The following DRC11 variants were observed in gnomAD, a reference collection of about 807,000 sequenced individuals.
The protein encoded by DRC11 is IQ and AAA domain-containing protein 1.
chr2:236,424,463 G>T, the DRC11 span, among the ~76,000 whole-genome samples: 1 of 152,036 alleles, frequency 6.6e-6, no homozygotes, highest in Non-Finnish European at 1.5e-5. Flanking sequence ...TACAGTGAAA[G>T]GTTTCCTCCC....
At chr2:236,331,632 T>C in the DRC11 span, 1 of 1,509,414 alleles carries the variant, frequency 6.6e-7, no homozygotes, top group Non-Finnish European at 9.1e-7. This position sits in a 1 kb window ranked among gnomAD's most constrained non-coding sequence, Gnocchi z 4.8. Context: ...AGAACAAGGG[T>C]TACCACAGAG....
the DRC11 span, among the ~76,000 whole-genome samples, chr2:236,459,785 T>C: frequency 1.7e-4 from 26 of 151,704 alleles, no homozygotes; most frequent in Non-Finnish European, 3.4e-4. Flanking sequence ...TCACAGATGA[T>C]TTTAATTTTC....
At chr2:236,497,033 G>T in the DRC11 span, 1 of 737,148 alleles carries the variant, frequency 1.4e-6, no homozygotes. This position sits in a 1 kb window ranked among gnomAD's most constrained non-coding sequence, Gnocchi z 5.1. Flanking sequence ...GAAGGCAAAT[G>T]TTTAGATTTT....
the DRC11 span, among the ~76,000 whole-genome samples, chr2:236,361,792 C>A: frequency 1.3e-5 from 2 of 152,152 alleles, no homozygotes; most frequent in African/African-American, 4.8e-5. This position sits in a 1 kb window ranked among gnomAD's most constrained non-coding sequence, Gnocchi z 5.7. Context: ...ATAAACGGAG[C>A]AAATGCTCTA....
At chr2:236,342,067 T>C in the DRC11 span, among the ~76,000 whole-genome samples, 3 of 152,148 alleles carry the variant, frequency 2.0e-5, no homozygotes, top group African/African-American at 7.2e-5. The surrounding 1 kb of genome is among the most constrained non-coding windows in gnomAD (Gnocchi z 5.8). Flanking sequence ...CCGGGTGAGC[T>C]TCCTGCCTCT....
At chr2:236,491,562 G>A in the DRC11 span, among the ~76,000 whole-genome samples, 2 of 152,028 alleles carry the variant, frequency 1.3e-5, no homozygotes, top group Non-Finnish European at 2.9e-5. Flanking sequence ...TGAGTGCAAC[G>A]TAATCTCCCT....
At chr2:236,428,776 T>C in the DRC11 span, among the ~76,000 whole-genome samples, 2 of 152,262 alleles carry the variant, frequency 1.3e-5, no homozygotes, top group Admixed American at 6.5e-5. Flanking sequence ...TGCCACTTTA[T>C]TACTTTCTGA....
chr2:236,383,641 TTTTTTTG>T, the DRC11 span, among the ~76,000 whole-genome samples: 1 of 152,038 alleles, frequency 6.6e-6, no homozygotes, highest in Admixed American at 6.6e-5. Context: ...TCATTTTTTT[TTTTTTTG>T]TTTTGTTTTT....
At chr2:236,386,939 GC>G in the DRC11 span, among the ~76,000 whole-genome samples, 1 of 145,940 alleles carries the variant, frequency 6.9e-6, no homozygotes, top group African/African-American at 2.5e-5. Context: ...TCATTCAGGA[GC>G]AGGTTGTTCA....
chr2:236,435,219 A>G, the DRC11 span, among the ~76,000 whole-genome samples: 1 of 152,250 alleles, frequency 6.6e-6, no homozygotes, highest in African/African-American at 2.4e-5. Flanking sequence ...AGAGAACTTC[A>G]TGTTACTTAA....
At chr2:236,399,847 C>T in the DRC11 span, among the ~76,000 whole-genome samples, 1 of 152,124 alleles carries the variant, frequency 6.6e-6, no homozygotes, top group Non-Finnish European at 1.5e-5. This position sits in a 1 kb window ranked among gnomAD's most constrained non-coding sequence, Gnocchi z 7.0. Context: ...TCCCCAGTAG[C>T]TGGGACTGCA....
chr2:236,483,465 T>C, the DRC11 span, among the ~76,000 whole-genome samples: 2 of 152,222 alleles, frequency 1.3e-5, no homozygotes, highest in Non-Finnish European at 2.9e-5. This position sits in a 1 kb window ranked among gnomAD's most constrained non-coding sequence, Gnocchi z 4.8. Flanking sequence ...TTTGAAATCA[T>C]ATCTGCTCTT....
the DRC11 span, among the ~76,000 whole-genome samples, chr2:236,448,914 C>T: frequency 1.3e-5 from 2 of 152,140 alleles, no homozygotes; most frequent in Non-Finnish European, 2.9e-5. This position sits in a 1 kb window ranked among gnomAD's most constrained non-coding sequence, Gnocchi z 5.3. Context: ...GGCTGGAGTG[C>T]AGTGGTGTGA....
the DRC11 span, among the ~76,000 whole-genome samples, chr2:236,308,077 G>A: frequency 2.6e-5 from 4 of 152,238 alleles, no homozygotes; most frequent in South Asian, 4.1e-4. This position sits in a 1 kb window ranked among gnomAD's most constrained non-coding sequence, Gnocchi z 6.0. Context: ...GTCCTCATGC[G>A]CTTGCAATGA....
the DRC11 span, among the ~76,000 whole-genome samples, chr2:236,353,731 G>A: frequency 1.3e-5 from 2 of 151,974 alleles, no homozygotes; most frequent in Admixed American, 6.6e-5. The surrounding 1 kb of genome is among the most constrained non-coding windows in gnomAD (Gnocchi z 5.0). Context: ...TGGGAGACAC[G>A]GTCCCTGCCT....
chr2:236,462,246 G>A, the DRC11 span, among the ~76,000 whole-genome samples: 6 of 152,128 alleles, frequency 3.9e-5, no homozygotes, highest in African/African-American at 1.4e-4. This position sits in a 1 kb window ranked among gnomAD's most constrained non-coding sequence, Gnocchi z 6.4. Context: ...AGCAGAGCCG[G>A]GCTCAGACCC....
the DRC11 span, among the ~76,000 whole-genome samples, chr2:236,371,821 C>A: frequency 0.021 from 3,154 of 152,284 alleles, 49 homozygotes; most frequent in Non-Finnish European, 0.033. The surrounding 1 kb of genome is among the most constrained non-coding windows in gnomAD (Gnocchi z 5.1). Context: ...TAGGATCCTG[C>A]TTCCTTTCCC....
At chr2:236,364,547 G>A in the DRC11 span, among the ~76,000 whole-genome samples, 12 of 152,170 alleles carry the variant, frequency 7.9e-5, no homozygotes, top group East Asian at 9.7e-4. Context: ...TTAACCTGAC[G>A]CTTGATAATG....
the DRC11 span, chr2:236,343,668 G>C: frequency 8.1e-7 from 1 of 1,241,626 alleles, no homozygotes; most frequent in Non-Finnish European, 1.1e-6. This position sits in a 1 kb window ranked among gnomAD's most constrained non-coding sequence, Gnocchi z 6.6. Flanking sequence ...ACCTGGTGGA[G>C]AACCCGGTCA....
Sources: allele counts gnomAD v4.1 joint callset (sites outside exome capture counted in the v4.1 genomes callset), GRCh38; gene constraint gnomAD v4.1.1; non-coding constraint Gnocchi (gnomAD v3.1); transcripts MANE v1.5; gene names NCBI Gene and HGNC (gene_info 2026-07-23, HGNC 2026-07-21).